Variants in MYL4 observed in about 807,000 individuals in gnomAD.
The protein encoded by MYL4 is atrial myosin light chain 1.
Under a neutral mutation model 21.6 loss-of-function variants are expected in MYL4, and 16 were observed. That is an observed-to-expected ratio of 0.74 (90% CI 0.50 to 1.12). The LOEUF is 1.12. MYL4 is among the 50% of genes most tolerant of loss of function. MYL4 has a pLI of 0.00. For missense variants in MYL4, 249 were observed against 252.9 expected, an observed-to-expected ratio of 0.98 and a Z score of 0.11; for synonymous variants, 82 against 95.7, an observed-to-expected ratio of 0.86 and a Z score of 0.83.
chr17:47,220,858 C>A (rs936243627), intron 3 of MYL4, among the ~76,000 whole-genome samples: 5 of 152,060 alleles, frequency 3.3e-5, no homozygotes, highest in Admixed American at 1.3e-4. Context: ...GTGGGGTGAG[C>A]CTCTCAGCAA....
At chr17:47,222,866 A>G in intron 5 of MYL4, 148 bp from the exon 6 acceptor site, 1 of 980,822 alleles carries the variant, frequency 1.0e-6, no homozygotes. Flanking sequence ...CCTTCTCCCC[A>G]CCAACCCCCA....
At chr17:47,213,765 A>G in intron 1 of MYL4, 34 bp from the exon 2 acceptor site, 1 of 1,613,528 alleles carries the variant, frequency 6.2e-7, no homozygotes, top group East Asian at 2.2e-5. Context: ...GCTTTTAGCA[A>G]TCCAAGCCCT....
Position 47,222,379 on chromosome 17 carries a change from G to A in MYL4, c.488-1G>A, listed in dbSNP as rs770372675. On this transcript the variant is annotated splice_acceptor_variant, in intron 4 of 6. Coordinates refer to ENST00000393450, the MANE Select transcript of MYL4 (RefSeq NM_002476.2). LOFTEE classifies it high-confidence loss of function. ...CGCACCACCTCCCAAACCCACCGCA[G>A]GAGAGAAGATGACTGAGGCTGAAGT... The A allele has an allele frequency of 4.3e-6, 7 of 1,614,152 alleles. No homozygotes were observed. In the South Asian group the frequency reaches 7.7e-5, roughly 18 times the overall value.
chr17:47,202,936 C>G (rs189520437), intron 1 of MYL4, among the ~76,000 whole-genome samples: 98 of 152,010 alleles, frequency 6.4e-4, no homozygotes, highest in African/African-American at 2.3e-3. Context: ...TTCCTTGAAG[C>G]TTAAATTTAT....
chr17:47,213,712 A>G, intron 1 of MYL4, 87 bp from the exon 2 acceptor site: 2 of 1,395,820 alleles, frequency 1.4e-6, no homozygotes, highest in South Asian at 1.2e-5. Flanking sequence ...CTGCATTGGA[A>G]GCCACTTCTG....
upstream of MYL4, among the ~76,000 whole-genome samples, chr17:47,205,324 C>G (rs2064723439): frequency 1.3e-5 from 2 of 152,216 alleles, no homozygotes; most frequent in African/African-American, 4.8e-5. Context: ...CTTCACACTA[C>G]TACATCTCCT....
intron 2 of MYL4, among the ~76,000 whole-genome samples, chr17:47,215,191 C>T (rs1567747238): frequency 6.6e-6 from 1 of 152,230 alleles, no homozygotes; most frequent in East Asian, 1.9e-4. Context: ...AGTGGATACT[C>T]ACTTGCAGCA....
At chr17:47,191,035 A>G in the MYL4 span, among the ~76,000 whole-genome samples, 2 of 152,150 alleles carry the variant, frequency 1.3e-5, no homozygotes, top group African/African-American at 4.8e-5. Flanking sequence ...CTGGCCTCTT[A>G]TGAGTCAGTA....
chr17:47,221,820 TG>T lies in MYL4; in HGVS notation c.455del (p.Gly152ValfsTer15), dbSNP rs771396667. ...VFDKESNGTV[M>X]GAELRHVLAT... ...GACAAGGAGAGCAATGGCACGGTCATGGGTGCTGAGCTTCGGCACGTCCTTG... is the reference window on the plus strand; with the variant it reads ...GACAAGGAGAGCAATGGCACGGTCATGGTGCTGAGCTTCGGCACGTCCTTG... On this transcript the variant is annotated frameshift_variant, in exon 4 of 7. Transcript: ENST00000393450. LOFTEE classifies it high-confidence loss of function. 1 of 1,613,962 alleles carries T rather than the reference TG, an allele frequency of 6.2e-7. No homozygotes were observed. Among genetic ancestry groups the T allele is most frequent in the Non-Finnish European group, 8.5e-7 (1 of 1,179,940 alleles).
intron 2 of MYL4, among the ~76,000 whole-genome samples, chr17:47,219,302 G>A (rs183067813): frequency 7.4e-4 from 113 of 152,324 alleles, no homozygotes; most frequent in African/African-American, 2.4e-3. Flanking sequence ...GGAGTGGGGT[G>A]TAGTTGTCAC....
chr17:47,212,913 C>G (rs1163788295), intron 1 of MYL4, among the ~76,000 whole-genome samples: 1 of 152,116 alleles, frequency 6.6e-6, no homozygotes, highest in African/African-American at 2.4e-5. Flanking sequence ...TCAGTACAAA[C>G]CAACGGCCTC....
intron 1 of MYL4, among the ~76,000 whole-genome samples, chr17:47,210,747 A>G (rs1204588248): frequency 8.9e-6 from 1 of 112,042 alleles, no homozygotes; most frequent in Non-Finnish European, 1.9e-5. Context: ...TGCTTAGCCA[A>G]GAGATGGAGG....
chr17:47,220,446 T>C (rs895972096), intron 3 of MYL4, among the ~76,000 whole-genome samples: 5 of 152,216 alleles, frequency 3.3e-5, no homozygotes, highest in Non-Finnish European at 4.4e-5. Flanking sequence ...GTGGTGGCCA[T>C]CGCGAGCTGT....
chr17:47,227,250 A>G (rs948465305), downstream of MYL4, among the ~76,000 whole-genome samples: 2 of 152,214 alleles, frequency 1.3e-5, no homozygotes, highest in South Asian at 2.1e-4. Flanking sequence ...AAGACAGAAG[A>G]GACTCTTGTC....
chr17:47,223,303 C>T, intron 6 of MYL4: 2 of 500,934 alleles, frequency 4.0e-6, no homozygotes, highest in Non-Finnish European at 7.1e-6. Context: ...CAAGGCAATG[C>T]CCTTCCCTCA....
At chr17:47,209,890 A>G (rs1214632688) in intron 1 of MYL4, among the ~76,000 whole-genome samples, 1 of 152,200 alleles carries the variant, frequency 6.6e-6, no homozygotes, top group Non-Finnish European at 1.5e-5. Flanking sequence ...ACCATAGCAA[A>G]GTAAAACAGA....
At position 47,213,803 on chromosome 17, in the gene MYL4, A is replaced by T; in HGVS notation, c.140A>T (p.Asp47Val). 1 of 1,614,104 alleles carries T rather than the reference A, an allele frequency of 6.2e-7. No homozygotes were observed. Among genetic ancestry groups the T allele is most frequent in the East Asian group, 2.2e-5 (1 of 44,878 alleles). Residue 47 changes from aspartate to valine, a missense_variant, in exon 2 of 7, where the codon GAC becomes GTC. Physicochemically the swap from Asp to Val is radical, Grantham distance 152 (BLOSUM62 -3). Coordinates refer to ENST00000393450, the MANE Select transcript of MYL4 (RefSeq NM_002476.2). ...CTACTATTTCCCTCCCTACAGATAGACTTCACTGCCGACCAGATTGAAGGT... is the reference window on the plus strand; with the variant it reads ...CTACTATTTCCCTCCCTACAGATAGTCTTCACTGCCGACCAGATTGAAGGT... Reference protein sequence around the residue: ...PAFDPKSVKIDFTADQIEEFK... With the variant: ...PAFDPKSVKIVFTADQIEEFK...
At chr17:47,211,466 G>A (rs983755925) in intron 1 of MYL4, among the ~76,000 whole-genome samples, 8 of 152,264 alleles carry the variant, frequency 5.3e-5, no homozygotes, top group African/African-American at 1.2e-4. Flanking sequence ...TTAGGACCAC[G>A]TCTATTGAGA....
intron 1 of MYL4, among the ~76,000 whole-genome samples, chr17:47,210,922 C>T (rs1016676962): frequency 6.6e-6 from 1 of 152,160 alleles, no homozygotes; most frequent in Non-Finnish European, 1.5e-5. Context: ...TCCCTCCTCG[C>T]CTTTATTTCT....
Sources: allele counts gnomAD v4.1 joint callset (sites outside exome capture counted in the v4.1 genomes callset), GRCh38; gene constraint gnomAD v4.1.1; transcripts MANE v1.5; gene names NCBI Gene and HGNC (gene_info 2026-07-23, HGNC 2026-07-21).